FBXO17: variants seen among roughly 807,000 people sequenced by gnomAD.
FBXO17 encodes F-box only protein 17.
Under a neutral mutation model 34.1 loss-of-function variants are expected in FBXO17, and 43 were observed. The ratio of observed to expected loss-of-function variants is 1.26; its 90% CI spans 0.99 to 1.62. The LOEUF is 1.62. Ranked by LOEUF, FBXO17 falls within the 40% of genes most tolerant of loss-of-function variation. The pLI is 0.00. For missense variants in FBXO17, 424 were observed against 386.7 expected, an observed-to-expected ratio of 1.10 and a Z score of -0.81; for synonymous variants, 169 against 166.0, an observed-to-expected ratio of 1.02 and a Z score of -0.14.
At chr19:38,957,148 G>T in intron 1 of FBXO17, among the ~76,000 whole-genome samples, 1 of 151,984 alleles carries the variant, frequency 6.6e-6, no homozygotes, top group East Asian at 1.9e-4. Context: ...AACCCGCGAG[G>T]TGGAGGTTGC....
intron 1 of FBXO17, among the ~76,000 whole-genome samples, chr19:38,959,218 G>C (rs531117036): frequency 1.1e-4 from 17 of 150,760 alleles, no homozygotes; most frequent in African/African-American, 4.1e-4. Context: ...CCTGCTAAGG[G>C]ATTTCTGAGG....
chr19:38,948,491 G>T, intron 3 of FBXO17, 76 bp downstream of exon 3: 3 of 1,085,044 alleles, frequency 2.8e-6, no homozygotes, highest in East Asian at 2.4e-5. Context: ...TGACGATGAG[G>T]ACAGTGTGGG....
intron 1 of FBXO17, among the ~76,000 whole-genome samples, chr19:38,958,987 C>T (rs1273301129): frequency 6.6e-6 from 1 of 152,088 alleles, no homozygotes; most frequent in Non-Finnish European, 1.5e-5. Context: ...ACTGAAGCCT[C>T]GAACTCCTGG....
At chr19:38,972,518 C>T (rs1975402943) in intron 1 of FBXO17, among the ~76,000 whole-genome samples, 2 of 150,950 alleles carry the variant, frequency 1.3e-5, no homozygotes, top group South Asian at 4.2e-4. Flanking sequence ...GCACTGCAGC[C>T]TGGGCGACAG....
chr19:38,966,293 T>TTCTGTGTGTGTGTGTG, intron 1 of FBXO17, among the ~76,000 whole-genome samples: 1 of 142,942 alleles, frequency 7.0e-6, no homozygotes, highest in Non-Finnish European at 1.5e-5. Flanking sequence ...ATTAAAAATT[T>TTCTGTGTGTGTGTGTG]TGTGTGTGTG....
At chr19:38,950,439 T>A (rs1975066498) in intron 1 of FBXO17, 103 bp from the exon 2 acceptor site, 2 of 1,354,036 alleles carry the variant, frequency 1.5e-6, no homozygotes, top group East Asian at 3.0e-5. Context: ...AGAGACCCCA[T>A]TAGGTCCATG....
At chr19:38,958,657 C>G (rs779406640) in intron 1 of FBXO17, among the ~76,000 whole-genome samples, 4 of 152,056 alleles carry the variant, frequency 2.6e-5, no homozygotes, top group Non-Finnish European at 5.9e-5. Flanking sequence ...TACTGGCTGT[C>G]AGAGTGACCG....
In FBXO17 at chr19:38,941,845, TC is replaced by T. The variant is rs1265124101; in HGVS notation, c.*762del. On this transcript the variant is annotated 3_prime_UTR_variant, in exon 6 of 6. Transcript: ENST00000292852. ...GGGCCTGTTCCCAACACCAGAGATT[TC>T]CCCAAACAGCAGATGACTTTGTTAG... 1 of 152,136 alleles carries T rather than the reference TC, an allele frequency of 6.6e-6. No individual in the cohort carries two copies. Among genetic ancestry groups the T allele is most frequent in the East Asian group, 1.9e-4 (1 of 5,188 alleles). The allele number at this position is 152,136 out of a possible 1,614,324, so 9.4% of individuals were successfully genotyped here. A position where few individuals can be genotyped will look rare whatever the true frequency, so the allele number is the denominator to read the frequency against.
At chr19:38,971,903 C>G (rs1975395696) in intron 1 of FBXO17, among the ~76,000 whole-genome samples, 1 of 152,102 alleles carries the variant, frequency 6.6e-6, no homozygotes, top group African/African-American at 2.4e-5. Context: ...AGAATACTAA[C>G]AGCTACTGTT....
Position 38,950,263 on chromosome 19 carries a change from G to A in FBXO17, c.57C>T (p.Asp19=). The A allele has an allele frequency of 2.0e-6, 3 of 1,501,758 alleles. No homozygotes were observed. The highest frequency in any genetic ancestry group is 1.4e-5 in the African/African-American group (1 of 69,784). 93.0% of individuals were successfully genotyped at this position (1,501,758 alleles called of 1,614,324 possible). Residue 19 remains aspartate (D), a synonymous_variant, in exon 2 of 6, where the codon GAC becomes GAT. Transcript: ENST00000292852. ...GCACCAGCAGCTCCGGGGGCAGCGC[G>A]TCCAGGGCCAGGGATGGGTCCGCCG... ...RLPADPSLAL[D]ALPPELLVQV... is the part of the protein sequence containing the mutation.
intron 1 of FBXO17, among the ~76,000 whole-genome samples, chr19:38,965,824 T>A (rs182913784): frequency 1.3e-5 from 2 of 151,968 alleles, no homozygotes; most frequent in Admixed American, 6.6e-5. Context: ...ATATTTTTAG[T>A]AGAGACGGGG....
intron 5 of FBXO17, among the ~76,000 whole-genome samples, chr19:38,943,115 G>A (rs1166346877): frequency 6.6e-6 from 1 of 152,154 alleles, no homozygotes; most frequent in East Asian, 1.9e-4. Context: ...AAGGCCCTGA[G>A]GTGGGAGAAT....
chr19:38,955,815 C>A (rs983865343), intron 1 of FBXO17, among the ~76,000 whole-genome samples: 2 of 151,756 alleles, frequency 1.3e-5, no homozygotes, highest in Admixed American at 6.6e-5. Flanking sequence ...AATTATATGA[C>A]CAATGGCAAG....
At chr19:38,957,636 G>A (rs78873098) in intron 1 of FBXO17, among the ~76,000 whole-genome samples, 5,537 of 152,142 alleles carry the variant, frequency 0.036, 207 homozygotes, top group East Asian at 0.19. Flanking sequence ...GAGCCACTGC[G>A]CCCGGCAGTT....
intron 1 of FBXO17, among the ~76,000 whole-genome samples, chr19:38,956,055 C>T (rs1483042309): frequency 8.6e-5 from 13 of 151,996 alleles, no homozygotes; most frequent in South Asian, 8.3e-4. Flanking sequence ...CACCTGAGGT[C>T]GGGAGTTCAA....
At position 38,949,956 on chromosome 19, in the gene FBXO17, G is replaced by A. The variant is rs1391077533; in HGVS notation, c.349+15C>T. Reference sequence around the variant, plus strand: ...GGCCCCCCTCAGCCTCCTGGGCCCCGCCCCCGTCACCCACGCTCTCCGCAG... The same window carrying A: ...GGCCCCCCTCAGCCTCCTGGGCCCCACCCCCGTCACCCACGCTCTCCGCAG... On this transcript the variant is annotated intron_variant, in intron 2 of 5. Transcript: ENST00000292852. The A allele has an allele frequency of 1.4e-6, 2 of 1,383,758 alleles. No individual in the cohort carries two copies. The highest frequency in any genetic ancestry group is 3.0e-5 in the African/African-American group (2 of 67,290). 85.7% of individuals were successfully genotyped at this position (1,383,758 alleles called of 1,614,324 possible). A position where few individuals can be genotyped will look rare whatever the true frequency, so the allele number is the denominator to read the frequency against.
rs368159427 is a variant in FBXO17, at chr19:38,975,720, C to G, written c.-152G>C. 2.6e-5 allele frequency: 4 copies of G among 151,840 alleles called. No homozygotes were observed. Among genetic ancestry groups the G allele is most frequent in the East Asian group, 3.9e-4 (2 of 5,114 alleles). 9.4% of individuals were successfully genotyped at this position (151,840 alleles called of 1,614,324 possible). On this transcript the variant is annotated 5_prime_UTR_variant, in exon 1 of 6. Coordinates refer to ENST00000292852, the MANE Select transcript of FBXO17 (RefSeq NM_024907.7). This position sits in a 1 kb window ranked among gnomAD's most constrained non-coding sequence, Gnocchi z 4.9. ...GGACCGGCGGTCTGGGCGGTCGGTC[C>G]TCTCCCGGGGCGTGGCGGCTGCAGC...
chr19:38,948,767 G>T, intron 2 of FBXO17, 89 bp from the exon 3 acceptor site: 1 of 1,076,314 alleles, frequency 9.3e-7, no homozygotes. Context: ...CTGTCCACCA[G>T]CCTCTCCCTC....
At chr19:38,944,632 C>T in intron 5 of FBXO17, 1 of 234,940 alleles carries the variant, frequency 4.3e-6, no homozygotes, top group South Asian at 4.1e-5. Flanking sequence ...CTGCACTGGA[C>T]CAGTCACATA....
Sources: allele counts gnomAD v4.1 joint callset (sites outside exome capture counted in the v4.1 genomes callset), GRCh38; gene constraint gnomAD v4.1.1; non-coding constraint Gnocchi (gnomAD v3.1); transcripts MANE v1.5; gene names NCBI Gene and HGNC (gene_info 2026-07-23, HGNC 2026-07-21).